EDIL3: variants seen among roughly 807,000 people sequenced by gnomAD.
EDIL3 encodes the protein EGF like and discoidin domains 3, also known as EGF-like repeat and discoidin I-like domain-containing protein 3.
Under a neutral mutation model 67.4 loss-of-function variants are expected in EDIL3, and 37 were observed. The observed-to-expected ratio is 0.55, with a 90% CI of 0.42 to 0.72. The LOEUF is 0.72. EDIL3 is among the 30% of genes least tolerant of loss of function. EDIL3 has a pLI of 0.00. For synonymous variants in EDIL3, 195 were observed against 196.3 expected, an observed-to-expected ratio of 0.99 and a Z score of 0.05; for missense variants, 527 against 586.3, an observed-to-expected ratio of 0.90 and a Z score of 1.04.
chr5:84,005,287 C>G (rs1490954438), intron 9 of EDIL3, among the ~76,000 whole-genome samples: 1 of 151,982 alleles, frequency 6.6e-6, no homozygotes, highest in Non-Finnish European at 1.5e-5. Flanking sequence ...TGATATTATT[C>G]CAAAAAATCA....
At chr5:84,063,066 T>C (rs1348518506) in intron 8 of EDIL3, among the ~76,000 whole-genome samples, 1 of 152,098 alleles carries the variant, frequency 6.6e-6, no homozygotes, top group Non-Finnish European at 1.5e-5. Context: ...TTTGAGAAAA[T>C]AAAACCTGTA....
At chr5:84,332,745 A>C (rs774733093) in intron 1 of EDIL3, among the ~76,000 whole-genome samples, 9 of 152,190 alleles carry the variant, frequency 5.9e-5, no homozygotes, top group African/African-American at 2.2e-4. Context: ...TGAATTAGCA[A>C]ATCAGTGTCT....
intron 1 of EDIL3, among the ~76,000 whole-genome samples, chr5:84,277,597 A>G (rs1202244991): frequency 1.3e-5 from 2 of 152,232 alleles, no homozygotes; most frequent in Non-Finnish European, 2.9e-5. Context: ...TAACATTTAT[A>G]AGACATAATT....
chr5:84,290,633 C>T (rs1322672091), intron 1 of EDIL3, among the ~76,000 whole-genome samples: 1 of 152,166 alleles, frequency 6.6e-6, no homozygotes, highest in African/African-American at 2.4e-5. Context: ...TCTGTACCAA[C>T]AGATCTTATA....
chr5:84,006,869 C>G (rs961705639), intron 9 of EDIL3, among the ~76,000 whole-genome samples: 3 of 151,768 alleles, frequency 2.0e-5, no homozygotes, highest in Non-Finnish European at 4.4e-5. Context: ...AGCAAAGAAA[C>G]TTATATAAAA....
At chr5:84,370,951 T>C (rs1747830193) in intron 1 of EDIL3, among the ~76,000 whole-genome samples, 1 of 151,900 alleles carries the variant, frequency 6.6e-6, no homozygotes, top group South Asian at 2.1e-4. Flanking sequence ...AGTCAGAAAA[T>C]AAATATTAAC....
chr5:84,131,232 C>T (rs164059), intron 5 of EDIL3, among the ~76,000 whole-genome samples: 46,691 of 151,810 alleles, frequency 0.31, 7,743 homozygotes, highest in Non-Finnish European at 0.37. Context: ...TTTTAATCTG[C>T]CTATCAATCT....
At chr5:83,991,340 A>C (rs1477468596) in intron 9 of EDIL3, among the ~76,000 whole-genome samples, 3 of 152,200 alleles carry the variant, frequency 2.0e-5, no homozygotes, top group African/African-American at 7.2e-5. Context: ...ATAATGAAAT[A>C]GTTAAATCTT....
At chr5:84,342,588 A>G (rs932177354) in intron 1 of EDIL3, among the ~76,000 whole-genome samples, 6 of 152,056 alleles carry the variant, frequency 3.9e-5, no homozygotes, top group African/African-American at 1.4e-4. Flanking sequence ...AAAAAACTTA[A>G]TGCATGCTTT....
chr5:84,060,977 C>T lies in EDIL3; in HGVS notation c.953-493G>A, dbSNP rs1340766992. Among the ~76,000 whole-genome samples the T allele has an allele frequency of 4.6e-5, 7 of 152,202 alleles. No homozygotes were observed. The South Asian group carries it at 1.2e-3, about 27-fold the overall frequency. On this transcript the variant is annotated intron_variant, in intron 8 of 10. Coordinates refer to ENST00000296591, the MANE Select transcript of EDIL3 (RefSeq NM_005711.5). Reference sequence around the variant, plus strand: ...GCTGCTCTACTGCTGTATTCTAAACCGGACAGCATTTTGTTTTTCAAGAAA... The same window carrying T: ...GCTGCTCTACTGCTGTATTCTAAACTGGACAGCATTTTGTTTTTCAAGAAA...
intron 4 of EDIL3, among the ~76,000 whole-genome samples, chr5:84,176,211 AT>A (rs61147940): frequency 8.3e-6 from 1 of 119,840 alleles, no homozygotes; most frequent in African/African-American, 4.4e-5. Flanking sequence ...ATATATATAT[AT>A]ATATATATAT....
intron 5 of EDIL3, among the ~76,000 whole-genome samples, chr5:84,135,728 C>T (rs901944893): frequency 6.6e-6 from 1 of 152,174 alleles, no homozygotes; most frequent in South Asian, 2.1e-4. Context: ...GGTCAACCTA[C>T]TTACTCAGCC....
chr5:84,009,719 A>T (rs112679551), intron 9 of EDIL3, among the ~76,000 whole-genome samples: 3,863 of 152,240 alleles, frequency 0.025, 125 homozygotes, highest in African/African-American at 0.082. Flanking sequence ...TAATGGAGAA[A>T]TGGATGACTC....
rs139498973 is a variant in EDIL3 at position 84,056,410 on chromosome 5, T to C, written c.1137+3890A>G. 5.7e-3 allele frequency among the ~76,000 whole-genome samples: 873 copies of C among 152,200 alleles called. 12 individuals carry two copies. The highest frequency in any genetic ancestry group is 0.02 in the African/African-American group (839 of 41,510). On this transcript the variant is annotated intron_variant, in intron 9 of 10. Transcript: ENST00000296591. The stretch of plus-strand genomic sequence containing the variant: ...GGGTGCAGCACACCAACATGGCACA[T>C]GTATACATATGTAACAAACCTTCAC...
At chr5:84,296,036 G>C (rs889624259) in intron 1 of EDIL3, among the ~76,000 whole-genome samples, 1 of 152,042 alleles carries the variant, frequency 6.6e-6, no homozygotes, top group Non-Finnish European at 1.5e-5. Context: ...GGGATAATTA[G>C]AGTTACTATC....
rs570701540 is a variant in EDIL3, at chr5:84,361,344, T to C, written c.67+22964A>G. ...GCAAGATGAATGTCTTGCTATACAA[T>C]GTTTTCTTGAACTGTGAAACTGACT... On this transcript the variant is annotated intron_variant, in intron 1 of 10. Transcript: ENST00000296591. Among the ~76,000 whole-genome samples the C allele has an allele frequency of 5.3e-5, 8 of 151,824 alleles. No homozygotes were observed. The East Asian group carries it at 1.5e-3, about 29-fold the overall frequency.
intron 5 of EDIL3, among the ~76,000 whole-genome samples, chr5:84,116,357 T>A (rs1747665610): frequency 6.6e-6 from 1 of 152,186 alleles, no homozygotes; most frequent in Non-Finnish European, 1.5e-5. Flanking sequence ...ATTTGTTCAT[T>A]TGAATTCTAG....
chr5:84,129,834 TG>T (rs978408824), intron 5 of EDIL3, among the ~76,000 whole-genome samples: 1 of 152,156 alleles, frequency 6.6e-6, no homozygotes, highest in African/African-American at 2.4e-5. Flanking sequence ...AAACATGGTT[TG>T]GCATGGACAG....
chr5:84,047,203 C>T (rs1746239683), intron 9 of EDIL3, among the ~76,000 whole-genome samples: 1 of 152,030 alleles, frequency 6.6e-6, no homozygotes, highest in South Asian at 2.1e-4. Context: ...AATCTATTTC[C>T]TTCTCTTTGG....
Sources: gnomAD v4.1 joint callset for allele counts (sites outside exome capture counted in the v4.1 genomes callset) on GRCh38, gnomAD v4.1.1 for gene constraint, MANE v1.5 for transcripts, NCBI Gene and HGNC (gene_info 2026-07-23, HGNC 2026-07-21) for gene names.